The following PDE1A variants were observed in gnomAD, a reference collection of about 807,000 sequenced individuals.
The protein encoded by PDE1A is dual specificity calcium/calmodulin-dependent 3',5'-cyclic nucleotide phosphodiesterase 1A.
In PDE1A, 35 loss-of-function variants were observed where a neutral mutation model predicts 61.7. The observed-to-expected ratio is 0.57, with a 90% CI of 0.43 to 0.75. The LOEUF is 0.75. Among genes scored for constraint, PDE1A ranks in the 30% least tolerant of loss-of-function variants. The pLI, the probability that PDE1A is intolerant of heterozygous loss-of-function variation, is 0.00. For missense variants in PDE1A, 597 were observed against 630.6 expected (o/e 0.95, Z 0.57); for synonymous variants, 232 against 213.2 (o/e 1.09, Z -0.77).
At chr2:182,143,154 G>A (rs1690308526), downstream of PDE1A, 1 of 152,140 alleles carries the variant, frequency 6.6e-6, no homozygotes. Flanking sequence ...CAGTTCAAGG[G>A]TCTACTGTAA....
the PDE1A span, among the ~76,000 whole-genome samples, chr2:182,573,018 T>C: frequency 6.6e-6 from 1 of 152,166 alleles, no homozygotes; most frequent in African/African-American, 2.4e-5. Flanking sequence ...CTAATTCATC[T>C]CTGTTTTTAA....
the PDE1A span, among the ~76,000 whole-genome samples, chr2:182,710,770 A>G: frequency 1.3e-5 from 2 of 152,182 alleles, no homozygotes; most frequent in African/African-American, 2.4e-5. Flanking sequence ...TGGATACTTA[A>G]GTTGTCTTCA....
chr2:182,614,521 T>TTATTACATAA, the PDE1A span, among the ~76,000 whole-genome samples: 3 of 152,034 alleles, frequency 2.0e-5, no homozygotes, highest in Non-Finnish European at 4.4e-5. Flanking sequence ...AGTTATCACT[T>TTATTACATAA]TATTACATAA....
At chr2:182,169,910 A>ACACACACG (rs1553520042) in intron 13 of PDE1A, among the ~76,000 whole-genome samples, 5 of 75,706 alleles carry the variant, frequency 6.6e-5, no homozygotes, top group African/African-American at 2.2e-4. Context: ...ACACACACAC[A>ACACACACG]CACACACACA....
At chr2:182,672,542 G>A in the PDE1A span, among the ~76,000 whole-genome samples, 30 of 152,242 alleles carry the variant, frequency 2.0e-4, no homozygotes, top group Non-Finnish European at 3.2e-4. Context: ...AAAGAGACAG[G>A]GTAGAAAAAA....
At chr2:182,490,054 T>C (rs1688281566) in intron 2 of PDE1A, among the ~76,000 whole-genome samples, 1 of 56,424 alleles carries the variant, frequency 1.8e-5, no homozygotes, top group Non-Finnish European at 3.5e-5. Flanking sequence ...GGAGAACCAA[T>C]AAAGTGTTAT....
chr2:182,347,716 C>T (rs1324239554), intron 1 of PDE1A, among the ~76,000 whole-genome samples: 1 of 151,822 alleles, frequency 6.6e-6, no homozygotes. Flanking sequence ...AAGAAATTGC[C>T]AACTGCTAGA....
At chr2:182,668,226 G>A in the PDE1A span, among the ~76,000 whole-genome samples, 2,730 of 152,208 alleles carry the variant, frequency 0.018, 53 homozygotes, top group South Asian at 0.037. Flanking sequence ...GCTCAGAGAC[G>A]TAGGATTTGT....
intron 7 of PDE1A, among the ~76,000 whole-genome samples, chr2:182,212,154 T>A (rs532744725): frequency 1.3e-5 from 2 of 151,944 alleles, no homozygotes; most frequent in African/African-American, 4.8e-5. Context: ...TATAAATAGA[T>A]AATTTTCTTT....
intron 2 of PDE1A, among the ~76,000 whole-genome samples, chr2:182,436,088 A>G (rs1684387565): frequency 6.6e-6 from 1 of 152,050 alleles, no homozygotes; most frequent in Non-Finnish European, 1.5e-5. Flanking sequence ...CCAAATGTAT[A>G]GAAATAGGTT....
At chr2:182,201,442 C>A (rs1574667395) in exon 10 of PDE1A, 2 of 1,613,640 alleles carry the variant, frequency 1.2e-6, no homozygotes, top group Non-Finnish European at 1.7e-6. Context: ...GAGGCACCTG[C>A]AGGAAAAACT....
At chr2:182,530,443 A>G in the PDE1A span, among the ~76,000 whole-genome samples, 1 of 152,220 alleles carries the variant, frequency 6.6e-6, no homozygotes, top group Non-Finnish European at 1.5e-5. Flanking sequence ...GATCTCAAAT[A>G]GGGTAAACCC....
At chr2:182,379,267 A>G (rs1700590529) in intron 1 of PDE1A, among the ~76,000 whole-genome samples, 1 of 152,240 alleles carries the variant, frequency 6.6e-6, no homozygotes, top group South Asian at 2.1e-4. Context: ...TTAGCAAAGC[A>G]ATCACAAAAG....
downstream of PDE1A, among the ~76,000 whole-genome samples, chr2:182,145,364 G>GA (rs111680675): frequency 3.6e-4 from 53 of 146,870 alleles, no homozygotes; most frequent in South Asian, 1.5e-3. Flanking sequence ...GGCCTTGACA[G>GA]AAAAAAAAAA....
intron 2 of PDE1A, chr2:182,522,225 G>A (rs530955655): frequency 5.8e-5 from 86 of 1,477,358 alleles, no homozygotes; most frequent in South Asian, 7.9e-5. Context: ...AATTAGTCAC[G>A]TTAATAGTCA....
the PDE1A span, among the ~76,000 whole-genome samples, chr2:182,580,417 C>T: frequency 7.2e-5 from 11 of 152,184 alleles, no homozygotes; most frequent in South Asian, 2.1e-4. Flanking sequence ...CTGCTGTGCC[C>T]GTCTGTGTCC....
chr2:182,456,147 G>A (rs1049991228), intron 2 of PDE1A, among the ~76,000 whole-genome samples: 14 of 152,122 alleles, frequency 9.2e-5, no homozygotes, highest in African/African-American at 3.4e-4. Flanking sequence ...CTCTAATCGG[G>A]TTCTCTAACA....
chr2:182,254,409 C>T (rs566739104), intron 2 of PDE1A, among the ~76,000 whole-genome samples: 46 of 152,282 alleles, frequency 3.0e-4, no homozygotes, highest in African/African-American at 9.9e-4. Flanking sequence ...GTTCCAGCAA[C>T]GTCTTAGCAC....
the PDE1A span, among the ~76,000 whole-genome samples, chr2:182,636,018 C>T: frequency 7.7e-6 from 1 of 130,262 alleles, no homozygotes; most frequent in Non-Finnish European, 1.5e-5. Flanking sequence ...TGCAGTGGCA[C>T]TATCTCGGCT....
Sources: allele counts gnomAD v4.1 joint callset (sites outside exome capture counted in the v4.1 genomes callset), GRCh38; gene constraint gnomAD v4.1.1; transcripts MANE v1.5; gene names NCBI Gene and HGNC (gene_info 2026-07-23, HGNC 2026-07-21).